The following SLC35D1 variants were observed in gnomAD, a reference collection of about 807,000 sequenced individuals.
The protein encoded by SLC35D1 is nucleotide sugar transporter SLC35D1.
A neutral mutation model predicts 46.7 loss-of-function variants in SLC35D1; 31 were observed. The observed-to-expected ratio is 0.66, with a 90% CI of 0.50 to 0.90. SLC35D1 has a LOEUF of 0.90. SLC35D1 is among the 40% of genes least tolerant of loss of function. The pLI, the probability that SLC35D1 is intolerant of heterozygous loss-of-function variation, is 0.00. For missense variants in SLC35D1, 397 were observed against 426.2 expected, an observed-to-expected ratio of 0.93 and a Z score of 0.60; for synonymous variants, 195 against 164.6, an observed-to-expected ratio of 1.18 and a Z score of -1.41.
the SLC35D1 span, chr1:66,985,684 T>C: frequency 1.0e-6 from 1 of 985,150 alleles, no homozygotes; most frequent in Non-Finnish European, 1.2e-6. Context: ...ATGAGAGGAA[T>C]TGTTATTCTG....
Position 67,000,923 on chromosome 1 carries a change from C to A in SLC35D1, c.*3417G>T, listed in dbSNP as rs114329922. ...AAAATGCTTTAGCTCTGTGGGGCGT[C>A]CCTAAAATCAGTGATACTCATAACC... On this transcript the variant is annotated 3_prime_UTR_variant, in exon 12 of 12. Coordinates refer to ENST00000235345, the MANE Select transcript of SLC35D1 (RefSeq NM_015139.3). 6,858 of 152,350 alleles carry A rather than the reference C, an allele frequency of 0.045. 258 individuals are homozygous for A. The highest frequency in any genetic ancestry group is 0.074 in the East Asian group (395 of 5,318). The allele number at this position is 152,350 out of a possible 1,614,324, so 9.4% of individuals were successfully genotyped here.
chr1:66,978,528 T>C, the SLC35D1 span, among the ~76,000 whole-genome samples: 1 of 152,322 alleles, frequency 6.6e-6, no homozygotes, highest in African/African-American at 2.4e-5. Context: ...TTTTTTTCCA[T>C]TGGTAGTATT....
the SLC35D1 span, chr1:66,987,790 T>C: frequency 6.6e-6 from 1 of 152,246 alleles, no homozygotes; most frequent in Non-Finnish European, 1.5e-5. Context: ...GTCTGTTTCT[T>C]CTATTCCTAG....
In SLC35D1 at chr1:67,001,937, G is replaced by GTAACTACACAA. The variant is rs1236714979; in HGVS notation, c.*2392_*2402dup. On this transcript the variant is annotated 3_prime_UTR_variant, in exon 12 of 12. Coordinates refer to ENST00000235345, the MANE Select transcript of SLC35D1 (RefSeq NM_015139.3). ...CCTGTCACGTGCATTTAGTGAAGCT[G>GTAACTACACAA]TAACTACACAATGTTCTCAAATACT... The GTAACTACACAA allele has an allele frequency of 6.6e-6, 1 of 152,354 alleles. No homozygotes were observed. Among genetic ancestry groups the GTAACTACACAA allele is most frequent in the African/African-American group, 2.4e-5 (1 of 41,446 alleles). 9.4% of individuals were successfully genotyped at this position (152,354 alleles called of 1,614,324 possible). A position where few individuals can be genotyped will look rare whatever the true frequency, so the allele number is the denominator to read the frequency against.
chr1:66,979,774 T>C, the SLC35D1 span, among the ~76,000 whole-genome samples: 6 of 152,118 alleles, frequency 3.9e-5, no homozygotes, highest in Admixed American at 1.3e-4. Flanking sequence ...TTTTTTTTTT[T>C]TTTTAAAGAC....
chr1:67,053,757 C>T (rs1163231845), intron 1 of SLC35D1, 54 bp downstream of exon 1: 9 of 1,414,326 alleles, frequency 6.4e-6, no homozygotes, highest in Non-Finnish European at 8.3e-6. Context: ...CGCCGCGCCG[C>T]CGCCGCCGCC....
chr1:66,990,465 C>G, the SLC35D1 span, among the ~76,000 whole-genome samples: 1 of 151,994 alleles, frequency 6.6e-6, no homozygotes. Context: ...CAGGGTTTTG[C>G]TGTGTTGCCA....
rs557631469 is a variant in SLC35D1 at position 67,007,581 on chromosome 1, C to G, written c.959+1504G>C. On this transcript the variant is annotated intron_variant, in intron 11 of 11. Coordinates refer to ENST00000235345, the MANE Select transcript of SLC35D1 (RefSeq NM_015139.3). ...ATTTCATCTTTATTACTGACTCGAT[C>G]ATTATCAAATATAGATTTTCGGAAA... 3.0e-4 allele frequency among the ~76,000 whole-genome samples: 45 copies of G among 152,300 alleles called. No homozygotes were observed. The South Asian group carries it at 3.1e-3, about 11-fold the overall frequency.
At chr1:67,009,925 C>A (rs1382275504) in intron 10 of SLC35D1, among the ~76,000 whole-genome samples, 1 of 152,106 alleles carries the variant, frequency 6.6e-6, no homozygotes, top group Non-Finnish European at 1.5e-5. Context: ...CAAAGACATG[C>A]AATCAACCAA....
At chr1:67,033,446 T>C (rs1668058482) in intron 8 of SLC35D1, among the ~76,000 whole-genome samples, 1 of 152,214 alleles carries the variant, frequency 6.6e-6, no homozygotes. Context: ...TGATATCTCA[T>C]TGTAGTTTTG....
At chr1:67,038,854 A>C (rs2755252) in intron 8 of SLC35D1, among the ~76,000 whole-genome samples, 71,639 of 127,696 alleles carry the variant, frequency 0.56, 17,751 homozygotes, top group South Asian at 0.74. Flanking sequence ...CACACACACA[A>C]ACACACACAC....
intron 8 of SLC35D1, among the ~76,000 whole-genome samples, chr1:67,033,583 A>AT (rs959277127): frequency 1.3e-5 from 2 of 151,790 alleles, no homozygotes; most frequent in African/African-American, 4.8e-5. Context: ...AGATTACTAG[A>AT]TTTTTTCCTA....
downstream of SLC35D1, among the ~76,000 whole-genome samples, chr1:66,998,507 A>C (rs1014080727): frequency 2.6e-5 from 4 of 152,286 alleles, no homozygotes; most frequent in Admixed American, 2.6e-4. Flanking sequence ...AAACACACAC[A>C]AAAAAGTGGG....
chr1:66,985,660 G>GTTGGTAAACTTTTATGAGAGGAA, the SLC35D1 span: 2 of 984,764 alleles, frequency 2.0e-6, no homozygotes, highest in Non-Finnish European at 2.4e-6. Context: ...AACTTGTACA[G>GTTGGTAAACTTTTATGAGAGGAA]TTGGTAAACT....
chr1:66,997,828 AAAATAT>A (rs1558144916), downstream of SLC35D1, among the ~76,000 whole-genome samples: 1 of 147,804 alleles, frequency 6.8e-6, no homozygotes, highest in Non-Finnish European at 1.5e-5. Flanking sequence ...TACTGTTAAA[AAAATAT>A]ATATATATCT....
intron 8 of SLC35D1, among the ~76,000 whole-genome samples, chr1:67,039,820 T>C (rs1439515960): frequency 1.3e-5 from 2 of 152,058 alleles, no homozygotes; most frequent in African/African-American, 4.8e-5. Context: ...AGAAACTCTG[T>C]CTCAACCCCA....
At chr1:67,022,967 C>T (rs1403211548) in intron 8 of SLC35D1, among the ~76,000 whole-genome samples, 3 of 152,146 alleles carry the variant, frequency 2.0e-5, no homozygotes, top group Non-Finnish European at 4.4e-5. Context: ...TTTCACTTGG[C>T]ATTATGCTCC....
At chr1:66,975,046 A>G in the SLC35D1 span, among the ~76,000 whole-genome samples, 1 of 152,198 alleles carries the variant, frequency 6.6e-6, no homozygotes, top group African/African-American at 2.4e-5. Context: ...TCTCAGAGCA[A>G]TATGGATCAG....
At chr1:67,040,169 G>C (rs1668212422) in intron 8 of SLC35D1, among the ~76,000 whole-genome samples, 1 of 151,832 alleles carries the variant, frequency 6.6e-6, no homozygotes, top group Non-Finnish European at 1.5e-5. Flanking sequence ...AATTTTTTTG[G>C]AATTTTTTGT....
Sources: allele counts gnomAD v4.1 joint callset (sites outside exome capture counted in the v4.1 genomes callset), GRCh38; gene constraint gnomAD v4.1.1; transcripts MANE v1.5; gene names NCBI Gene and HGNC (gene_info 2026-07-23, HGNC 2026-07-21).